Variants in OR2AK2 observed in about 807,000 individuals in gnomAD.
OR2AK2 encodes the protein olfactory receptor 2AK2.
For synonymous variants in OR2AK2, 139 were observed against 147.2 expected, an observed-to-expected ratio of 0.94 and a Z score of 0.40; for missense variants, 392 against 384.1, an observed-to-expected ratio of 1.02 and a Z score of -0.17.
chr1:247,965,472 C>T (rs776408750), exon 1 of OR2AK2: 2 of 1,613,806 alleles, frequency 1.2e-6, no homozygotes, highest in Non-Finnish European at 1.7e-6. Flanking sequence ...TCGTCATTGC[C>T]ACCCTCTTTA....
exon 1 of OR2AK2, chr1:247,965,489 C>T (rs773585053): frequency 1.2e-6 from 2 of 1,613,660 alleles, no homozygotes; most frequent in Admixed American, 1.7e-5. Flanking sequence ...TTTACAGTTG[C>T]TCTGACAGGA....
exon 1 of OR2AK2, chr1:247,965,692 G>A (rs1365998453): frequency 6.4e-7 from 1 of 1,554,632 alleles, no homozygotes; most frequent in East Asian, 2.3e-5. Context: ...TGTGTTCTTG[G>A]CCCTTGGTGG....
At chr1:247,966,038 T>C (rs760387323) in exon 1 of OR2AK2, 1 of 1,614,110 alleles carries the variant, frequency 6.2e-7, no homozygotes, top group Non-Finnish European at 8.5e-7. Context: ...TATGCTCGTG[T>C]GCTTATTGTG....
chr1:247,965,871 G>T, exon 1 of OR2AK2: 1 of 1,613,766 alleles, frequency 6.2e-7, no homozygotes, highest in Non-Finnish European at 8.5e-7. Context: ...ATGTGTTTCA[G>T]CTTCCATTCT....
Position 247,966,035 on chromosome 1 carries a change from G to A in OR2AK2, c.659G>A (p.Arg220His), listed in dbSNP as rs371051095. Reference sequence around the variant, plus strand: ...CTAGCCATTCTGGCTTCCTATGCTCGTGTGCTTATTGTGGTATTCCAGATG... The same window carrying A: ...CTAGCCATTCTGGCTTCCTATGCTCATGTGCTTATTGTGGTATTCCAGATG... Residue 220 changes from arginine (R) to histidine (H), a missense_variant, in exon 1 of 1, where the codon CGT becomes CAT. Coordinates refer to ENST00000366480, the Ensembl canonical transcript of OR2AK2. 84 of 1,613,956 alleles carry A rather than the reference G, an allele frequency of 5.2e-5. 1 individual carries two copies. The highest frequency in any genetic ancestry group is 3.4e-4 in the South Asian group (31 of 91,060).
exon 1 of OR2AK2, chr1:247,965,595 C>T: frequency 6.3e-7 from 1 of 1,585,228 alleles, no homozygotes; most frequent in Non-Finnish European, 8.6e-7. Context: ...ACCTCATGTA[C>T]ATCTCCACCA....
exon 1 of OR2AK2, chr1:247,966,173 G>C: frequency 1.2e-6 from 2 of 1,614,076 alleles, no homozygotes; most frequent in Non-Finnish European, 1.7e-6. Context: ...CACTCCTTGC[G>C]TTCCCCTTCA....
exon 1 of OR2AK2, chr1:247,966,243 C>T (rs746105588): frequency 8.1e-6 from 13 of 1,613,048 alleles, no homozygotes; most frequent in Non-Finnish European, 1.1e-5. Context: ...ACCCATTTAT[C>T]TACAGCCTGA....
exon 1 of OR2AK2, chr1:247,965,814 A>G (rs146643100): frequency 1.4e-4 from 232 of 1,610,436 alleles, no homozygotes; most frequent in Middle Eastern, 3.3e-4. Flanking sequence ...TCATGGTTGC[A>G]TGTGCATGGG....
chr1:247,966,166 T>A, exon 1 of OR2AK2: 1 of 1,614,144 alleles, frequency 6.2e-7, no homozygotes, highest in Non-Finnish European at 8.5e-7. Context: ...AAGGCCACAC[T>A]CCTTGCGTTC....
chr1:247,965,266 A>C lies in OR2AK2; in HGVS notation c.-111A>C, dbSNP rs754524990. ...ACATGTAGATAGTTGCCAAACATGT[A>C]AGTGAATATTTATTTCTGAATGCCA... On this transcript the variant is annotated 5_prime_UTR_variant, in exon 1 of 1. The change abolishes the stop of an existing upstream ORF in the 5' untranslated region. Transcript: ENST00000366480. 7.7e-7 allele frequency: 1 copy of C among 1,299,560 alleles called. No homozygotes were observed. Among genetic ancestry groups the C allele is most frequent in the African/African-American group, 1.5e-5 (1 of 66,304 alleles). The allele number at this position is 1,299,560 out of a possible 1,614,324, so 80.5% of individuals were successfully genotyped here.
exon 1 of OR2AK2, chr1:247,965,711 C>A: frequency 6.4e-7 from 1 of 1,555,494 alleles, no homozygotes; most frequent in Non-Finnish European, 8.7e-7. Flanking sequence ...GGAACTGAAG[C>A]CCTTCTCCTT....
At chr1:247,966,287 T>C in exon 1 of OR2AK2, 1 of 1,613,806 alleles carries the variant, frequency 6.2e-7, no homozygotes, top group East Asian at 2.2e-5. Context: ...GTGAGGAGAC[T>C]GTTGGGATAT....
At chr1:247,965,498 G>A (rs1660945877) in exon 1 of OR2AK2, 1 of 1,613,532 alleles carries the variant, frequency 6.2e-7, no homozygotes. Context: ...GCTCTGACAG[G>A]AAATATCATG....
exon 1 of OR2AK2, chr1:247,966,266 T>C (rs1441236025): frequency 1.2e-6 from 2 of 1,613,360 alleles, no homozygotes; most frequent in Admixed American, 1.7e-5. Flanking sequence ...AATAAGGAAG[T>C]GACGGGGGCA....
rs1558162639 is a variant in OR2AK2, at chr1:247,966,087, T to A, written c.711T>A (p.Ala237=). Residue 237 remains alanine, a synonymous_variant, in exon 1 of 1, where the codon GCT becomes GCA. Coordinates refer to ENST00000366480, the Ensembl canonical transcript of OR2AK2. Reference sequence around the variant, plus strand: ...GCTCAGGAAAAGGACAGGCAAAAGCTGTTTCCACTTGTTCCTCCCACCTGA... The same window carrying A: ...GCTCAGGAAAAGGACAGGCAAAAGCAGTTTCCACTTGTTCCTCCCACCTGA... The A allele has an allele frequency of 1.9e-6, 3 of 1,614,060 alleles. No homozygotes were observed. In the African/African-American group the frequency reaches 4.0e-5, roughly 22 times the overall value.
exon 1 of OR2AK2, chr1:247,966,359 A>C: frequency 1.3e-6 from 2 of 1,585,106 alleles, no homozygotes; most frequent in Non-Finnish European, 1.7e-6. Flanking sequence ...AACAACATAA[A>C]AAGCTGTTCC....
exon 1 of OR2AK2, chr1:247,965,323 C>T: frequency 1.3e-6 from 2 of 1,531,270 alleles, no homozygotes; most frequent in Non-Finnish European, 1.8e-6. Flanking sequence ...GGGAAGTCAA[C>T]ATTATTACAT....
exon 1 of OR2AK2, chr1:247,965,888 C>A (rs780463796): frequency 6.2e-7 from 1 of 1,613,624 alleles, no homozygotes; most frequent in Non-Finnish European, 8.5e-7. Context: ...TTCTGTAGGT[C>A]TCGGCTCATT....
Sources: allele counts gnomAD v4.1 joint callset, GRCh38; gene constraint gnomAD v4.1.1; transcripts MANE v1.5; gene names NCBI Gene and HGNC (gene_info 2026-07-23, HGNC 2026-07-21).